Variants in MYRFL observed in about 807,000 individuals in gnomAD.
MYRFL encodes the protein myelin regulatory factor like.
Under a neutral mutation model 109.4 loss-of-function variants are expected in MYRFL, and 88 were observed. The ratio of observed to expected loss-of-function variants is 0.80; its 90% CI spans 0.68 to 0.96. MYRFL has a LOEUF of 0.96. Among genes scored for constraint, MYRFL ranks in the 40% least tolerant of loss-of-function variants. MYRFL has a pLI of 0.00. For missense variants in MYRFL, 957 were observed against 954.9 expected (o/e 1.00, Z -0.03); for synonymous variants, 324 against 320.9 (o/e 1.01, Z -0.10).
intron 1 of MYRFL, among the ~76,000 whole-genome samples, chr12:69,851,273 AC>A (rs139627002): frequency 0.038 from 5,795 of 152,324 alleles, 172 homozygotes; most frequent in Non-Finnish European, 0.055. Flanking sequence ...TGGGATCTAT[AC>A]TTTAAATCTC....
At chr12:69,953,447 G>A (rs75016002) in intron 21 of MYRFL, among the ~76,000 whole-genome samples, 21 of 152,288 alleles carry the variant, frequency 1.4e-4, no homozygotes, top group African/African-American at 5.1e-4. Context: ...GCTTCAAAGA[G>A]TACAGTGTGC....
chr12:69,952,987 A>G, intron 21 of MYRFL, 101 bp downstream of exon 21: 2 of 714,124 alleles, frequency 2.8e-6, no homozygotes, highest in Non-Finnish European at 4.5e-6. Flanking sequence ...TGATAAAATC[A>G]ATGTGTGCTT....
Position 69,925,898 on chromosome 12 carries a change from TG to T in MYRFL, c.1603-671del, listed in dbSNP as rs1955058813. 7.2e-5 allele frequency among the ~76,000 whole-genome samples: 11 copies of T among 152,318 alleles called. No homozygotes were observed. In the South Asian group the frequency reaches 2.1e-3, roughly 29 times the overall value. ...ATCTTCTCATTTATAGATGAAGAAATGGAAGCACAGAGAGGTTATTGCATTT... is the reference window on the plus strand; with the variant it reads ...ATCTTCTCATTTATAGATGAAGAAATGAAGCACAGAGAGGTTATTGCATTT... On this transcript the variant is annotated intron_variant, in intron 13 of 24. Transcript: ENST00000552032.
chr12:69,918,868 A>G (rs557368221), intron 13 of MYRFL, among the ~76,000 whole-genome samples: 2 of 152,344 alleles, frequency 1.3e-5, no homozygotes, highest in South Asian at 4.1e-4. Context: ...TTTCAAAAAT[A>G]AAATGAATAT....
chr12:69,937,974 T>C (rs969178647), intron 19 of MYRFL, among the ~76,000 whole-genome samples: 1 of 149,644 alleles, frequency 6.7e-6, no homozygotes, highest in Non-Finnish European at 1.5e-5. Context: ...GGTGCTTTTA[T>C]TATCCCAATT....
rs201140098 is a variant in MYRFL at position 69,944,692 on chromosome 12, GA to G, written c.2225-7412del. Among the ~76,000 whole-genome samples, 3 of 149,998 alleles carry G rather than the reference GA, an allele frequency of 2.0e-5. No individual in the cohort carries two copies. In the South Asian group the frequency reaches 6.3e-4, roughly 32 times the overall value. ...TAAAACTTAAAGTATAATAATAAAA[GA>G]AAAAAAAAGAAAAGACAAATATTTA... On this transcript the variant is annotated intron_variant, in intron 19 of 24. Transcript: ENST00000552032.
intron 19 of MYRFL, among the ~76,000 whole-genome samples, chr12:69,950,269 T>C (rs775250352): frequency 8.5e-5 from 13 of 152,206 alleles, no homozygotes; most frequent in Non-Finnish European, 1.3e-4. Flanking sequence ...ATTCTCTATT[T>C]TAACAGGATA....
intron 1 of MYRFL, among the ~76,000 whole-genome samples, chr12:69,846,619 C>T (rs1883565481): frequency 6.6e-6 from 1 of 152,078 alleles, no homozygotes; most frequent in African/African-American, 2.4e-5. Flanking sequence ...TGGGTTGGTT[C>T]CAAGTCTTTG....
At chr12:69,875,758 G>C (rs568581858) in intron 2 of MYRFL, among the ~76,000 whole-genome samples, 1 of 152,256 alleles carries the variant, frequency 6.6e-6, no homozygotes, top group African/African-American at 2.4e-5. Context: ...ATCTGAGATG[G>C]AGCAGTTTCA....
chr12:69,861,866 G>T (rs1465579957), intron 2 of MYRFL, among the ~76,000 whole-genome samples: 1 of 151,730 alleles, frequency 6.6e-6, no homozygotes, highest in East Asian at 1.9e-4. Flanking sequence ...TTCTTCTAGG[G>T]TTTTTATGGT....
intron 19 of MYRFL, among the ~76,000 whole-genome samples, chr12:69,938,801 A>T (rs371377941): frequency 2.6e-5 from 4 of 152,168 alleles, no homozygotes; most frequent in Admixed American, 2.0e-4. Flanking sequence ...CTCACTAGGG[A>T]GTGCCAGACA....
At chr12:69,903,042 A>C in intron 10 of MYRFL, among the ~76,000 whole-genome samples, 1 of 152,218 alleles carries the variant, frequency 6.6e-6, no homozygotes, top group Non-Finnish European at 1.5e-5. Flanking sequence ...TGTCTCATAT[A>C]ATTGCACTGT....
At chr12:69,901,824 C>G (rs1335280460) in intron 10 of MYRFL, among the ~76,000 whole-genome samples, 1 of 151,644 alleles carries the variant, frequency 6.6e-6, no homozygotes, top group Non-Finnish European at 1.5e-5. Flanking sequence ...AAAGTTTTTA[C>G]TTTATACTCT....
intron 19 of MYRFL, 130 bp from the exon 20 acceptor site, chr12:69,951,983 T>G: frequency 1.4e-6 from 1 of 695,374 alleles, no homozygotes; most frequent in Non-Finnish European, 2.5e-6. Flanking sequence ...AGAGATTAGA[T>G]GAGTTGAAGG....
chr12:69,855,952 A>G (rs1884255100), intron 2 of MYRFL, among the ~76,000 whole-genome samples: 3 of 151,852 alleles, frequency 2.0e-5, no homozygotes, highest in Admixed American at 6.6e-5. Context: ...TTTATTTTTA[A>G]TTTACATCTA....
At chr12:69,836,716 A>T (rs1421955301) in intron 1 of MYRFL, among the ~76,000 whole-genome samples, 1 of 152,188 alleles carries the variant, frequency 6.6e-6, no homozygotes, top group Non-Finnish European at 1.5e-5. Context: ...TAAGGATAAG[A>T]CAAACAAAAA....
chr12:69,952,050 C>A, intron 19 of MYRFL, 63 bp from the exon 20 acceptor site: 2 of 1,397,532 alleles, frequency 1.4e-6, no homozygotes, highest in Non-Finnish European at 2.0e-6. Flanking sequence ...CTAGGTCACA[C>A]ATGGGGTTTC....
intron 1 of MYRFL, among the ~76,000 whole-genome samples, chr12:69,843,085 G>T (rs931377358): frequency 6.6e-6 from 1 of 152,192 alleles, no homozygotes; most frequent in Non-Finnish European, 1.5e-5. Flanking sequence ...ACCAACATTA[G>T]ATTTTAGATC....
chr12:69,827,701 T>C (rs182782204), intron 1 of MYRFL, among the ~76,000 whole-genome samples: 1 of 152,256 alleles, frequency 6.6e-6, no homozygotes, highest in African/African-American at 2.4e-5. Flanking sequence ...GGTTCTAACA[T>C]ATAATGGAAT....
Sources: gnomAD v4.1 joint callset for allele counts (sites outside exome capture counted in the v4.1 genomes callset) on GRCh38, gnomAD v4.1.1 for gene constraint, MANE v1.5 for transcripts, NCBI Gene and HGNC (gene_info 2026-07-23, HGNC 2026-07-21) for gene names.